DPP6: variants seen among roughly 807,000 people sequenced by gnomAD.
DPP6 encodes A-type potassium channel modulatory protein DPP6.
Under a neutral mutation model 122.6 loss-of-function variants are expected in DPP6, and 69 were observed. The observed-to-expected ratio is 0.56, with a 90% CI of 0.46 to 0.69. DPP6 has a LOEUF of 0.69. Ranked by LOEUF, DPP6 falls within the 30% of genes least tolerant of loss-of-function variation. The pLI, the probability that DPP6 is intolerant of heterozygous loss-of-function variation, is 0.00. For synonymous variants in DPP6, 418 were observed against 433.1 expected, an observed-to-expected ratio of 0.97 and a Z score of 0.43; for missense variants, 928 against 1,116.9, an observed-to-expected ratio of 0.83 and a Z score of 2.41.
chr7:154,550,939 A>G (rs563434992), intron 4 of DPP6, among the ~76,000 whole-genome samples: 1 of 152,020 alleles, frequency 6.6e-6, no homozygotes, highest in Admixed American at 6.6e-5. Context: ...TTTAGTAGAG[A>G]CAGGGTTTCA....
chr7:154,527,589 AAG>A (rs1827506988), intron 3 of DPP6, among the ~76,000 whole-genome samples: 2 of 152,350 alleles, frequency 1.3e-5, no homozygotes, highest in South Asian at 4.1e-4. Flanking sequence ...TTAAAACTAA[AAG>A]AAGATGATAG....
chr7:154,052,100 G>A (rs1800377843), upstream of DPP6, among the ~76,000 whole-genome samples: 1 of 113,090 alleles, frequency 8.8e-6, no homozygotes, highest in Admixed American at 8.6e-5. The surrounding 1 kb of genome is among the most constrained non-coding windows in gnomAD (Gnocchi z 4.8). Context: ...TGCACCGTCC[G>A]CTCGCGTGCT....
At chr7:153,842,228 T>C in the DPP6 span, among the ~76,000 whole-genome samples, 3 of 152,348 alleles carry the variant, frequency 2.0e-5, no homozygotes. Context: ...ACTAAACAGG[T>C]TGGCATTGCT....
chr7:154,701,357 C>A (rs1840516909), intron 7 of DPP6, among the ~76,000 whole-genome samples: 1 of 152,164 alleles, frequency 6.6e-6, no homozygotes, highest in African/African-American at 2.4e-5. Flanking sequence ...TAGATCTAAG[C>A]CTATACCTTT....
chr7:154,869,309 C>T (rs1258883265), intron 18 of DPP6, among the ~76,000 whole-genome samples: 1 of 152,180 alleles, frequency 6.6e-6, no homozygotes, highest in Non-Finnish European at 1.5e-5. Flanking sequence ...ACTCAGCTCC[C>T]AAGAGCAGGT....
chr7:153,946,039 C>T (rs1304533086), intron 1 of DPP6, among the ~76,000 whole-genome samples: 6 of 152,052 alleles, frequency 3.9e-5, no homozygotes, highest in Non-Finnish European at 7.4e-5. Flanking sequence ...GCTGCAGCCT[C>T]GTCCATCAGA....
At chr7:154,467,152 A>G (rs1166227305) in intron 2 of DPP6, among the ~76,000 whole-genome samples, 1 of 152,228 alleles carries the variant, frequency 6.6e-6, no homozygotes, top group Non-Finnish European at 1.5e-5. Context: ...GCTTGGGAAT[A>G]GTATCCTAGG....
chr7:154,259,735 C>T (rs1802874970), intron 1 of DPP6, among the ~76,000 whole-genome samples: 1 of 152,180 alleles, frequency 6.6e-6, no homozygotes, highest in African/African-American at 2.4e-5. Flanking sequence ...TTGCTGTCAT[C>T]GTTCTGTATC....
chr7:154,700,046 T>G (rs1166877672), intron 7 of DPP6, among the ~76,000 whole-genome samples: 3 of 152,228 alleles, frequency 2.0e-5, no homozygotes, highest in Non-Finnish European at 4.4e-5. Flanking sequence ...GCCTATTTCA[T>G]AGAATTATAA....
At chr7:154,393,168 T>C (rs1447242464) in intron 1 of DPP6, among the ~76,000 whole-genome samples, 1 of 152,182 alleles carries the variant, frequency 6.6e-6, no homozygotes, top group African/African-American at 2.4e-5. Flanking sequence ...GACTCTTGAG[T>C]GGCTAAGAGT....
chr7:154,814,987 A>C (rs1311072215), intron 16 of DPP6, among the ~76,000 whole-genome samples: 1 of 152,156 alleles, frequency 6.6e-6, no homozygotes, highest in Non-Finnish European at 1.5e-5. Context: ...GGTCACATTC[A>C]CAGGAACCGA....
At chr7:154,217,813 C>T (rs1383091986) in intron 1 of DPP6, among the ~76,000 whole-genome samples, 1 of 152,130 alleles carries the variant, frequency 6.6e-6, no homozygotes. Context: ...AAGAGCCCTG[C>T]TGTGACCACC....
At position 154,768,564 on chromosome 7, in the gene DPP6, A is replaced by T. The variant is rs80030367; in HGVS notation, c.884-853A>T. Among the ~76,000 whole-genome samples, 813 of 152,324 alleles carry T rather than the reference A, an allele frequency of 5.3e-3. 6 individuals are homozygous for T. Among genetic ancestry groups the T allele is most frequent in the South Asian group, 0.032 (154 of 4,824 alleles). On this transcript the variant is annotated intron_variant, in intron 8 of 25. Transcript: ENST00000377770. ...CCCCTTGACCTAAGAGCTGTTCACAATGAAATGGGTTCTCTGACTGGTTAC... is the reference window on the plus strand; with the variant it reads ...CCCCTTGACCTAAGAGCTGTTCACATTGAAATGGGTTCTCTGACTGGTTAC...
chr7:154,353,397 T>C (rs1279859689), intron 1 of DPP6, among the ~76,000 whole-genome samples: 1 of 152,080 alleles, frequency 6.6e-6, no homozygotes, highest in African/African-American at 2.4e-5. Flanking sequence ...ACCAGAATAA[T>C]GAACCCCTGC....
intron 1 of DPP6, among the ~76,000 whole-genome samples, chr7:154,022,228 TTA>T (rs1264931919): frequency 6.6e-6 from 1 of 152,208 alleles, no homozygotes; most frequent in Non-Finnish European, 1.5e-5. Context: ...TAATAAATTA[TTA>T]TGAGTTGTCA....
chr7:153,935,932 G>A (rs978510864), intron 1 of DPP6, among the ~76,000 whole-genome samples: 1 of 152,196 alleles, frequency 6.6e-6, no homozygotes, highest in African/African-American at 2.4e-5. Flanking sequence ...GGCCTGGCCC[G>A]GAGCTGTGCT....
intron 5 of DPP6, among the ~76,000 whole-genome samples, chr7:154,609,006 A>G (rs1325496714): frequency 6.6e-6 from 1 of 152,166 alleles, no homozygotes; most frequent in Non-Finnish European, 1.5e-5. Context: ...AGGAGGGCCC[A>G]AGGCACTCAC....
chr7:154,279,329 G>A (rs1369058727), intron 1 of DPP6, among the ~76,000 whole-genome samples: 1 of 152,164 alleles, frequency 6.6e-6, no homozygotes, highest in Non-Finnish European at 1.5e-5. Flanking sequence ...ATCCATCTAG[G>A]TAGTTTGGTG....
intron 16 of DPP6, among the ~76,000 whole-genome samples, chr7:154,812,974 T>C (rs1476000409): frequency 6.6e-6 from 1 of 152,172 alleles, no homozygotes; most frequent in Admixed American, 6.5e-5. Flanking sequence ...TTTATGTTTA[T>C]AATTCTTAAT....
Sources: gnomAD v4.1 joint callset for allele counts (sites outside exome capture counted in the v4.1 genomes callset) on GRCh38, gnomAD v4.1.1 for gene constraint, Gnocchi (gnomAD v3.1) non-coding constraint, MANE v1.5 for transcripts, NCBI Gene and HGNC (gene_info 2026-07-23, HGNC 2026-07-21) for gene names.